The following EPRS1 variants were observed in gnomAD, a reference collection of about 807,000 sequenced individuals.
EPRS1 encodes bifunctional glutamate/proline--tRNA ligase.
EPRS1 carries 107 observed loss-of-function variants against 188.3 expected under a neutral mutation model. The ratio of observed to expected loss-of-function variants is 0.57; its 90% CI spans 0.49 to 0.67. The LOEUF is 0.67. Among genes scored for constraint, EPRS1 ranks in the 30% least tolerant of loss-of-function variants. EPRS1 has a pLI of 0.00. For missense variants in EPRS1, 1,577 were observed against 1,802.2 expected (o/e 0.88, Z 2.26); for synonymous variants, 596 against 593.1 (o/e 1.00, Z -0.07).
intron 17 of EPRS1, among the ~76,000 whole-genome samples, chr1:220,000,624 C>T (rs1294862727): frequency 6.6e-6 from 1 of 152,094 alleles, no homozygotes; most frequent in African/African-American, 2.4e-5. Context: ...TTTAAAACTT[C>T]TCAATTTTTA....
At chr1:220,012,385 G>A (rs112384199) in intron 12 of EPRS1, among the ~76,000 whole-genome samples, 5,547 of 152,140 alleles carry the variant, frequency 0.036, 308 homozygotes, top group African/African-American at 0.13. Context: ...AGACAACCCC[G>A]CCTAAGAAAC....
At chr1:219,972,929 C>T (rs185859800) in intron 29 of EPRS1, among the ~76,000 whole-genome samples, 1 of 152,264 alleles carries the variant, frequency 6.6e-6, no homozygotes, top group Admixed American at 6.5e-5. Flanking sequence ...CAATGTGTAC[C>T]CAGCAGATGA....
intron 20 of EPRS1, among the ~76,000 whole-genome samples, chr1:219,985,050 A>G (rs1300862226): frequency 1.5e-5 from 2 of 136,064 alleles, no homozygotes; most frequent in African/African-American, 6.0e-5. Flanking sequence ...GTCTCAAAAG[A>G]AAAAAAAAAA....
At chr1:220,026,044 T>G (rs1039519838) in intron 6 of EPRS1, among the ~76,000 whole-genome samples, 6 of 152,126 alleles carry the variant, frequency 3.9e-5, no homozygotes, top group African/African-American at 1.4e-4. Flanking sequence ...CCGCCTGCCT[T>G]GGCCTCCCAA....
At position 219,988,596 on chromosome 1, in the gene EPRS1, G is replaced by A; in HGVS notation, c.2769C>T (p.Ala923=). 1 of 1,605,636 alleles carries A rather than the reference G, an allele frequency of 6.2e-7. No homozygotes were observed. The highest frequency in any genetic ancestry group is 8.5e-7 in the Non-Finnish European group (1 of 1,172,710). ...EVVRKLKTEK[A]PKDQVDIAVQ... is the part of the protein sequence containing the mutation. ...AACAAAATAACACACTAACCTTAGG[G>A]GCTTTTTCAGTTTTAAGTTTCCGAA... The change falls in exon 19 of 32, where the codon GCC becomes GCT. Residue 923 remains alanine (A), a synonymous_variant. Coordinates refer to ENST00000366923, the MANE Select transcript of EPRS1 (RefSeq NM_004446.3).
In EPRS1 at chr1:220,007,313, A is replaced by G; in HGVS notation, c.1631T>C (p.Val544Ala). ...AATGAAAACTTTGGGACTATACCACACAGGCTTCAAGCCAACCTCAGGATT... is the reference window on the plus strand; with the variant it reads ...AATGAAAACTTTGGGACTATACCACGCAGGCTTCAAGCCAACCTCAGGATT... The part of the protein sequence containing the change: ...PKNPEVGLKP[V>A]WYSPKVFIEG... Residue 544 changes from valine (V) to alanine (A), a missense_variant, in exon 14 of 32, where the codon GTG becomes GCG. By Grantham distance (64) the Val-to-Ala change is moderately conservative. Transcript: ENST00000366923. 1.2e-6 allele frequency: 2 copies of G among 1,613,192 alleles called. No homozygotes were observed. The highest frequency in any genetic ancestry group is 1.1e-5 in the South Asian group (1 of 90,702).
chr1:219,996,299 T>C (rs1383206562), intron 18 of EPRS1, among the ~76,000 whole-genome samples: 2 of 152,208 alleles, frequency 1.3e-5, no homozygotes, highest in Admixed American at 6.5e-5. Context: ...AAGCTGGAGA[T>C]AATCACAGGT....
In EPRS1 at chr1:220,040,275, A is replaced by C. The variant is rs372434877; in HGVS notation, c.47-6T>G. 16 of 1,563,676 alleles carry C rather than the reference A, an allele frequency of 1.0e-5. No individual in the cohort carries two copies. The highest frequency in any genetic ancestry group is 1.4e-5 in the African/African-American group (1 of 73,278). On this transcript the variant is annotated splice_region_variant and splice_polypyrimidine_tract_variant and intron_variant, in intron 1 of 31. Coordinates refer to ENST00000366923, the MANE Select transcript of EPRS1 (RefSeq NM_004446.3). ...TTCTACTGCCAGCAAAGCTCCTATA[A>C]ATAATATGAAAAGATTTTTTATCTT... is the stretch of plus-strand genomic sequence containing the variant.
intron 12 of EPRS1, among the ~76,000 whole-genome samples, chr1:220,014,711 A>G (rs1045190169): frequency 2.0e-5 from 3 of 152,214 alleles, no homozygotes; most frequent in African/African-American, 4.8e-5. Context: ...AATTTCTCCA[A>G]CAAACTAGCC....
intron 15 of EPRS1, among the ~76,000 whole-genome samples, chr1:220,005,829 G>GTTTTTTTTTTTTTT (rs879818549): frequency 4.6e-4 from 21 of 45,724 alleles, no homozygotes; most frequent in African/African-American, 1.5e-3. Context: ...TTTTTTTTTT[G>GTTTTTTTTTTTTTT]TTTTTTTTTT....
chr1:220,018,424 G>T, intron 12 of EPRS1, 25 bp downstream of exon 12: 1 of 1,566,508 alleles, frequency 6.4e-7, no homozygotes, highest in Admixed American at 1.7e-5. Context: ...CATGAGAAAA[G>T]AAGGCAGAGA....
Position 220,002,198 on chromosome 1 carries a change from G to T in EPRS1, c.2064-943C>A, listed in dbSNP as rs573092712. 4.6e-5 allele frequency among the ~76,000 whole-genome samples: 7 copies of T among 152,100 alleles called. No individual in the cohort carries two copies. In the East Asian group the frequency reaches 1.2e-3, roughly 25 times the overall value. On this transcript the variant is annotated intron_variant, in intron 16 of 31. Coordinates refer to ENST00000366923, the MANE Select transcript of EPRS1 (RefSeq NM_004446.3). ...ATACAAAAATTTAGCCAGGTATGGT[G>T]GCGGGCGCCTGTAATCCCAGCTACT...
intron 2 of EPRS1, 96 bp from the exon 3 acceptor site, chr1:220,035,109 T>C (rs1006428654): frequency 3.1e-6 from 2 of 640,022 alleles, no homozygotes; most frequent in African/African-American, 3.8e-5. Flanking sequence ...AACTTTATTA[T>C]ATTTACCATG....
chr1:219,973,625 GT>G (rs1354888033), intron 28 of EPRS1, among the ~76,000 whole-genome samples: 2 of 151,504 alleles, frequency 1.3e-5, no homozygotes, highest in Non-Finnish European at 2.9e-5. Context: ...TGCCCCAGAA[GT>G]TCTTCATGGA....
At position 220,020,688 on chromosome 1, in the gene EPRS1, T is replaced by C. The variant is rs984992339; in HGVS notation, c.1116-467A>G. ...AAACACACTCAAAAACAGTGCTCCA[T>C]TCACTGTGTAAAAAAAAAAAACCGA... On this transcript the variant is annotated intron_variant, in intron 9 of 31. Transcript: ENST00000366923. Among the ~76,000 whole-genome samples the C allele has an allele frequency of 8.2e-4, 61 of 74,320 alleles. No individual in the cohort carries two copies. In the Admixed American group the frequency reaches 8.4e-3, roughly 10 times the overall value. 48.8% of individuals were successfully genotyped at this position (74,320 alleles called of 152,430 possible). A position where few individuals can be genotyped will look rare whatever the true frequency, so the allele number is the denominator to read the frequency against.
chr1:220,030,476 G>A lies in EPRS1; in HGVS notation c.533C>T (p.Pro178Leu), dbSNP rs1662063569. The A allele has an allele frequency of 6.2e-7, 1 of 1,613,374 alleles. No homozygotes were observed. Among genetic ancestry groups the A allele is most frequent in the Non-Finnish European group, 8.5e-7 (1 of 1,179,512 alleles). ...DVSTTKARVAPEKKQDVGKFV... is the reference protein window; with the variant it reads ...DVSTTKARVALEKKQDVGKFV... ...TTTCCCAACATCTTGCTTTTTCTCAGGTGCCTGAAAAACACAACCACCATC... is the reference window on the plus strand; with the variant it reads ...TTTCCCAACATCTTGCTTTTTCTCAAGTGCCTGAAAAACACAACCACCATC... Residue 178 changes from proline to leucine, a missense_variant, in exon 6 of 32, where the codon CCT becomes CTT. By Grantham distance (98) the Pro-to-Leu change is moderately conservative. Transcript: ENST00000366923.
chr1:220,027,090 C>T (rs1319090954), intron 6 of EPRS1, among the ~76,000 whole-genome samples: 1 of 150,058 alleles, frequency 6.7e-6, no homozygotes, highest in African/African-American at 2.5e-5. Flanking sequence ...AGGAGTTCAA[C>T]ACCAGCCTGG....
chr1:219,968,777 G>T lies in EPRS1; in HGVS notation c.*29C>A. The T allele has an allele frequency of 6.2e-7, 1 of 1,608,838 alleles. No individual in the cohort carries two copies. Among genetic ancestry groups the T allele is most frequent in the East Asian group, 2.2e-5 (1 of 44,840 alleles). ...ATATCAATGCTTTAAAAAGTGAGAG[G>T]AGTTGAAGAGGGGGCTTTCGTTCAT... On this transcript the variant is annotated 3_prime_UTR_variant, in exon 32 of 32. Coordinates refer to ENST00000366923, the MANE Select transcript of EPRS1 (RefSeq NM_004446.3).
At chr1:219,994,608 T>C (rs1051199705) in intron 18 of EPRS1, among the ~76,000 whole-genome samples, 4 of 150,112 alleles carry the variant, frequency 2.7e-5, no homozygotes, top group Admixed American at 1.3e-4. Flanking sequence ...TGCGATGTTT[T>C]TGAGATCAGA....
Sources: gnomAD v4.1 joint callset for allele counts (sites outside exome capture counted in the v4.1 genomes callset) on GRCh38, gnomAD v4.1.1 for gene constraint, MANE v1.5 for transcripts, NCBI Gene and HGNC (gene_info 2026-07-23, HGNC 2026-07-21) for gene names.